Variants in ARHGEF3 observed in about 807,000 individuals in gnomAD.
The protein encoded by ARHGEF3 is 59.8 kDA protein.
ARHGEF3 carries 28 observed loss-of-function variants against 63.2 expected under a neutral mutation model. That is an observed-to-expected ratio of 0.44 (90% confidence interval 0.33 to 0.61). The LOEUF (loss-of-function observed/expected upper bound fraction) is 0.61. ARHGEF3 is among the 20% of genes least tolerant of loss of function. ARHGEF3 has a pLI of 0.03. For synonymous variants in ARHGEF3, 266 were observed against 254.2 expected (o/e 1.05, Z -0.44); for missense variants, 533 against 659.3 (o/e 0.81, Z 2.10).
intron 1 of ARHGEF3, among the ~76,000 whole-genome samples, chr3:57,036,546 G>A (rs1703970052): frequency 6.6e-6 from 1 of 152,150 alleles, no homozygotes; most frequent in African/African-American, 2.4e-5. Context: ...CTCAGGCATT[G>A]CATTCCTCAC....
intron 4 of ARHGEF3, among the ~76,000 whole-genome samples, chr3:56,835,423 G>A (rs201950133): frequency 1.3e-5 from 2 of 151,998 alleles, no homozygotes; most frequent in African/African-American, 2.4e-5. Flanking sequence ...TGATCCACCC[G>A]CCTCGGCCTC....
At chr3:57,048,177 C>T (rs1461735366) in intron 1 of ARHGEF3, among the ~76,000 whole-genome samples, 2 of 152,188 alleles carry the variant, frequency 1.3e-5, no homozygotes, top group Admixed American at 6.5e-5. Flanking sequence ...TCTGGATCTG[C>T]TTTGCAAGAT....
chr3:56,949,449 A>C lies in ARHGEF3; in HGVS notation c.129+9374T>G, dbSNP rs1231916861. ...CAGCAAAGTCTCAGGATACAAAATCAATGTGCAAAAATCACAAGCATTCTT... is the reference window on the plus strand; with the variant it reads ...CAGCAAAGTCTCAGGATACAAAATCCATGTGCAAAAATCACAAGCATTCTT... On this transcript the variant is annotated intron_variant, in intron 3 of 12. Coordinates refer to the ARHGEF3 transcript ENST00000338458. Among the ~76,000 whole-genome samples the C allele has an allele frequency of 5.9e-5, 9 of 152,200 alleles. 1 individual carries two copies. Among genetic ancestry groups the C allele is most frequent in the African/African-American group, 2.2e-4 (9 of 41,444 alleles).
At chr3:57,050,524 T>C (rs1236515714) in intron 1 of ARHGEF3, among the ~76,000 whole-genome samples, 2 of 150,860 alleles carry the variant, frequency 1.3e-5, no homozygotes, top group Non-Finnish European at 3.0e-5. Flanking sequence ...GGGGGATGAA[T>C]TGGGGGGTCA....
At chr3:57,010,268 C>T (rs909610578) in intron 2 of ARHGEF3, among the ~76,000 whole-genome samples, 2 of 152,096 alleles carry the variant, frequency 1.3e-5, no homozygotes, top group Admixed American at 6.5e-5. Context: ...TCCTGGCTAA[C>T]ATGGTGAAAC....
At chr3:56,961,640 C>A (rs1700285098) in intron 2 of ARHGEF3, among the ~76,000 whole-genome samples, 1 of 152,138 alleles carries the variant, frequency 6.6e-6, no homozygotes, top group African/African-American at 2.4e-5. Context: ...GCTGGAGAAG[C>A]TGCCAGGAGA....
At chr3:57,039,212 TACCTCCTGCATCA>T (rs1308085496) in intron 1 of ARHGEF3, among the ~76,000 whole-genome samples, 1 of 152,208 alleles carries the variant, frequency 6.6e-6, no homozygotes, top group Non-Finnish European at 1.5e-5. Context: ...TATTTGCTGA[TACCTCCTGCATCA>T]ACCTCCTGCA....
intron 2 of ARHGEF3, among the ~76,000 whole-genome samples, chr3:56,966,849 A>AATTATT (rs141341491): frequency 6.8e-5 from 10 of 146,148 alleles, no homozygotes; most frequent in African/African-American, 2.3e-4. Flanking sequence ...TTTTTTTTTT[A>AATTATT]ATTATTATTA....
intron 1 of ARHGEF3, among the ~76,000 whole-genome samples, chr3:57,050,994 C>A (rs1172736312): frequency 6.6e-6 from 1 of 152,204 alleles, no homozygotes; most frequent in Non-Finnish European, 1.5e-5. Flanking sequence ...CCTTTTCCAA[C>A]CCTTGGTGCT....
At chr3:56,884,874 C>A (rs1260755026) in intron 3 of ARHGEF3, among the ~76,000 whole-genome samples, 2 of 152,172 alleles carry the variant, frequency 1.3e-5, no homozygotes, top group Non-Finnish European at 2.9e-5. Context: ...TAATTTCCAT[C>A]CTACAGGTTA....
chr3:56,872,294 T>C (rs2040454597), intron 4 of ARHGEF3, among the ~76,000 whole-genome samples: 1 of 152,168 alleles, frequency 6.6e-6, no homozygotes, highest in Admixed American at 6.5e-5. Context: ...CTATCCACAA[T>C]ACAGTGTATG....
intron 4 of ARHGEF3, among the ~76,000 whole-genome samples, chr3:56,849,094 A>G (rs1212592202): frequency 2.0e-5 from 3 of 152,138 alleles, no homozygotes; most frequent in Non-Finnish European, 2.9e-5. Flanking sequence ...CTTTATTTTT[A>G]TCTTAATTTC....
At chr3:56,753,681 G>A (rs866793653) in intron 3 of ARHGEF3, 115 bp from the exon 4 acceptor site, 1 of 890,694 alleles carries the variant, frequency 1.1e-6, no homozygotes, top group South Asian at 1.5e-5. Context: ...AGTATTTTAA[G>A]TTACGTTAAC....
intron 2 of ARHGEF3, among the ~76,000 whole-genome samples, chr3:56,991,165 C>T (rs1360813185): frequency 3.3e-5 from 5 of 152,118 alleles, no homozygotes; most frequent in Non-Finnish European, 5.9e-5. Flanking sequence ...GCTGGTCTTC[C>T]GACCCCAGAC....
intron 2 of ARHGEF3, among the ~76,000 whole-genome samples, chr3:57,007,680 C>T (rs1288813647): frequency 6.6e-6 from 1 of 152,174 alleles, no homozygotes; most frequent in Admixed American, 6.5e-5. Context: ...ATGAGTCACC[C>T]TCCAGGGGCC....
chr3:56,768,667 C>CAAAAA (rs770390697), intron 2 of ARHGEF3, among the ~76,000 whole-genome samples: 32 of 43,938 alleles, frequency 7.3e-4, no homozygotes, highest in East Asian at 2.1e-3. Context: ...AAGCAAAATG[C>CAAAAA]AAAAAAAAAA....
chr3:56,899,835 T>G (rs570531003), intron 3 of ARHGEF3, among the ~76,000 whole-genome samples: 3 of 152,316 alleles, frequency 2.0e-5, no homozygotes, highest in African/African-American at 7.2e-5. Context: ...TCCCATCCTT[T>G]TTGGAGAAGA....
rs375110941 is a variant in ARHGEF3, at chr3:56,909,649, T to G, written c.130-27295A>C. Among the ~76,000 whole-genome samples, 144 of 152,344 alleles carry G rather than the reference T, an allele frequency of 9.5e-4. 4 individuals are homozygous for G. The South Asian group carries it at 0.025, about 26-fold the overall frequency. ...CTCAAGAGGTACCAGTACATCACCA[T>G]TCATCACATATTCATTTAGGACCTA... is the stretch of plus-strand genomic sequence containing the variant. On this transcript the variant is annotated intron_variant, in intron 3 of 12. Transcript: ENST00000338458.
intron 2 of ARHGEF3, among the ~76,000 whole-genome samples, chr3:56,999,302 C>T (rs989419881): frequency 3.9e-5 from 6 of 152,100 alleles, no homozygotes; most frequent in African/African-American, 1.2e-4. Context: ...CCGCCCACCT[C>T]GGCCTCCCAA....
Sources: allele counts gnomAD v4.1 joint callset (sites outside exome capture counted in the v4.1 genomes callset), GRCh38; gene constraint gnomAD v4.1.1; transcripts MANE v1.5; gene names NCBI Gene and HGNC (gene_info 2026-07-23, HGNC 2026-07-21).